PCCB: variants seen among roughly 807,000 people sequenced by gnomAD.
PCCB encodes propionyl-CoA carboxylase beta chain, mitochondrial.
Under a neutral mutation model 60.7 loss-of-function variants are expected in PCCB, and 43 were observed. That is an observed-to-expected ratio of 0.71 (90% CI 0.55 to 0.91). The LOEUF (loss-of-function observed/expected upper bound fraction) is 0.91. Ranked by LOEUF, PCCB falls within the 40% of genes least tolerant of loss-of-function variation. The pLI is 0.00. For synonymous variants in PCCB, 276 were observed against 255.9 expected (o/e 1.08, Z -0.75); for missense variants, 766 against 702.8 (o/e 1.09, Z -1.02).
intron 5 of PCCB, among the ~76,000 whole-genome samples, chr3:136,263,254 G>T (rs1445374375): frequency 3.2e-5 from 4 of 125,940 alleles, no homozygotes; most frequent in African/African-American, 6.1e-5. Flanking sequence ...CGCCCAGCTG[G>T]TTTTTTTTTT....
intron 1 of PCCB, among the ~76,000 whole-genome samples, chr3:136,253,107 T>TA (rs1941566591): frequency 1.4e-5 from 2 of 145,038 alleles, no homozygotes; most frequent in South Asian, 2.3e-4. Flanking sequence ...TTTTTTTTTT[T>TA]AAGATAGAGT....
rs1280557848 is a variant in PCCB at position 136,295,440 on chromosome 3, A to G, written c.763+1576A>G. Among the ~76,000 whole-genome samples, 3 of 152,184 alleles carry G rather than the reference A, an allele frequency of 2.0e-5. No individual in the cohort carries two copies. The East Asian group carries it at 5.8e-4, about 29-fold the overall frequency. ...CTTGACTCATTCCTTTCCCTTACCT[A>G]TCAGCATCATTTAGCCCCATCTTTA... On this transcript the variant is annotated intron_variant, in intron 7 of 14. Transcript: ENST00000251654.
At chr3:136,254,230 G>C (rs1260627425) in intron 1 of PCCB, among the ~76,000 whole-genome samples, 1 of 150,680 alleles carries the variant, frequency 6.6e-6, no homozygotes, top group African/African-American at 2.4e-5. Flanking sequence ...GTTTGTTTTT[G>C]TTTTTTGAGA....
intron 8 of PCCB, among the ~76,000 whole-genome samples, chr3:136,300,113 T>C (rs1177685567): frequency 2.0e-5 from 3 of 151,644 alleles, no homozygotes; most frequent in African/African-American, 4.9e-5. Context: ...TACATGCATA[T>C]CTACACGTGT....
chr3:136,268,121 T>TATATATATATATATAC (rs60030073), intron 5 of PCCB, among the ~76,000 whole-genome samples: 1 of 130,764 alleles, frequency 7.6e-6, no homozygotes, highest in Non-Finnish European at 1.6e-5. Context: ...TATATATATA[T>TATATATATATATATAC]GTATATATAT....
intron 6 of PCCB, among the ~76,000 whole-genome samples, chr3:136,287,745 A>T (rs553872017): frequency 6.6e-6 from 1 of 152,254 alleles, no homozygotes; most frequent in South Asian, 2.1e-4. Context: ...TATAGTAAAT[A>T]TTTCTTAACA....
At chr3:136,282,062 G>A (rs1384790571) in intron 5 of PCCB, among the ~76,000 whole-genome samples, 5 of 152,088 alleles carry the variant, frequency 3.3e-5, no homozygotes, top group Non-Finnish European at 1.5e-5. Context: ...AAAAGCAGTG[G>A]TCAGTAATCA....
intron 10 of PCCB, 44 bp from the exon 11 acceptor site, chr3:136,326,759 G>A (rs1230681142): frequency 7.7e-7 from 1 of 1,299,010 alleles, no homozygotes; most frequent in East Asian, 2.3e-5. Context: ...GATAGAACTG[G>A]GAATTGCCTG....
chr3:136,290,671 G>GTTGTTTTTTTTTTT (rs1933637063), intron 6 of PCCB, among the ~76,000 whole-genome samples: 1 of 60,050 alleles, frequency 1.7e-5, no homozygotes, highest in Non-Finnish European at 2.7e-5. Flanking sequence ...TCTCTGTGTA[G>GTTGTTTTTTTTTTT]TTTTTTTTTT....
intron 3 of PCCB, among the ~76,000 whole-genome samples, chr3:136,257,968 A>C (rs1319977800): frequency 2.6e-5 from 4 of 152,198 alleles, no homozygotes; most frequent in Non-Finnish European, 5.9e-5. Flanking sequence ...TACTTGGTTA[A>C]TTTAAAATCT....
At chr3:136,262,570 A>G (rs921024612) in intron 5 of PCCB, among the ~76,000 whole-genome samples, 1 of 152,226 alleles carries the variant, frequency 6.6e-6, no homozygotes, top group Non-Finnish European at 1.5e-5. Context: ...TTATTTACAG[A>G]CTGAAATTAT....
chr3:136,254,546 TTTA>T (rs1431583455), intron 1 of PCCB, among the ~76,000 whole-genome samples: 4 of 138,486 alleles, frequency 2.9e-5, no homozygotes, highest in East Asian at 2.3e-4. Context: ...TTTTTTTTTT[TTTA>T]AAAGACAGGT....
At chr3:136,259,805 T>G (rs1325709434) in intron 3 of PCCB, among the ~76,000 whole-genome samples, 3 of 152,178 alleles carry the variant, frequency 2.0e-5, no homozygotes, top group African/African-American at 4.8e-5. Flanking sequence ...CAGGCTGGAG[T>G]GCACTGGAGC....
chr3:136,324,557 G>A (rs540216992), intron 10 of PCCB, among the ~76,000 whole-genome samples: 7 of 151,450 alleles, frequency 4.6e-5, no homozygotes, highest in South Asian at 2.1e-4. Context: ...CCCTATTCAC[G>A]GGTGCTTTTG....
chr3:136,275,885 C>T (rs181312320), intron 5 of PCCB, among the ~76,000 whole-genome samples: 1 of 152,314 alleles, frequency 6.6e-6, no homozygotes, highest in East Asian at 1.9e-4. Context: ...ATTCTCCTGC[C>T]TCAGCTTCCC....
intron 5 of PCCB, among the ~76,000 whole-genome samples, chr3:136,270,014 A>C (rs375164886): frequency 7.1e-6 from 1 of 140,500 alleles, no homozygotes. Context: ...TTTTTTGGAC[A>C]TTCTCTTGAA....
At chr3:136,287,849 C>T (rs1255696228) in intron 6 of PCCB, among the ~76,000 whole-genome samples, 2 of 152,154 alleles carry the variant, frequency 1.3e-5, no homozygotes, top group Non-Finnish European at 2.9e-5. Context: ...CTATATGTGT[C>T]TTGGTGCGCA....
intron 6 of PCCB, among the ~76,000 whole-genome samples, chr3:136,291,790 T>C (rs1204014686): frequency 6.6e-6 from 1 of 152,140 alleles, no homozygotes; most frequent in African/African-American, 2.4e-5. Flanking sequence ...GAAGGGTCTT[T>C]TTTTCCCCCA....
At chr3:136,264,337 T>C (rs1941910461) in intron 5 of PCCB, among the ~76,000 whole-genome samples, 1 of 151,670 alleles carries the variant, frequency 6.6e-6, no homozygotes, top group Non-Finnish European at 1.5e-5. Context: ...TTATCCTTAT[T>C]CAGGACTTAA....
Sources: allele counts gnomAD v4.1 joint callset (sites outside exome capture counted in the v4.1 genomes callset), GRCh38; gene constraint gnomAD v4.1.1; transcripts MANE v1.5; gene names NCBI Gene and HGNC (gene_info 2026-07-23, HGNC 2026-07-21).